Variants in CD68 observed in about 807,000 individuals in gnomAD.
The protein encoded by CD68 is CD68 molecule.
Under a neutral mutation model 31.3 loss-of-function variants are expected in CD68, and 24 were observed. That is an observed-to-expected ratio of 0.77 (90% CI 0.55 to 1.08). The LOEUF (loss-of-function observed/expected upper bound fraction) is 1.08. Among genes scored for constraint, CD68 ranks in the 50% least tolerant of loss-of-function variants. CD68 has a pLI of 0.00. For missense variants in CD68, 461 were observed against 442.5 expected, an observed-to-expected ratio of 1.04 and a Z score of -0.38; for synonymous variants, 190 against 179.6, an observed-to-expected ratio of 1.06 and a Z score of -0.46.
In CD68 at chr17:7,580,348, TGA is replaced by T; in HGVS notation, c.567+25_567+26del. The T allele has an allele frequency of 3.7e-6, 6 of 1,607,860 alleles. No individual in the cohort carries two copies. Among genetic ancestry groups the T allele is most frequent in the Non-Finnish European group, 5.1e-6 (6 of 1,175,666 alleles). Reference sequence around the variant, plus strand: ...GAGAGGTAAAGCTAAAACTGGGGGATGAGAGGGGAGGGAGGCAGGACTGGATA... The same window carrying T: ...GAGAGGTAAAGCTAAAACTGGGGGATGAGGGGAGGGAGGCAGGACTGGATA... On this transcript the variant is annotated intron_variant, in intron 2 of 5. Coordinates refer to ENST00000250092, the MANE Select transcript of CD68 (RefSeq NM_001251.3). This position sits in a 1 kb window ranked among gnomAD's most constrained non-coding sequence, Gnocchi z 4.3.
rs770873295 is a variant in CD68, at chr17:7,580,793, C to T, written c.760+10C>T. On this transcript the variant is annotated intron_variant, in intron 4 of 5. Coordinates refer to ENST00000250092, the MANE Select transcript of CD68 (RefSeq NM_001251.3). The surrounding 1 kb of genome is among the most constrained non-coding windows in gnomAD (Gnocchi z 4.3). ...TTCCCCCACGCAGCACGTAAGTAAC[C>T]TCCTTCCCTTTCTCATTGCTACCAC... 1.2e-6 allele frequency: 2 copies of T among 1,613,988 alleles called. No individual in the cohort carries two copies. The highest frequency in any genetic ancestry group is 1.1e-5 in the South Asian group (1 of 91,084).
chr17:7,581,433 C>T lies in CD68; in HGVS notation c.987C>T (p.Ile329=). Residue 329 remains isoleucine, a synonymous_variant, in exon 6 of 6, where the codon ATC becomes ATT. Coordinates refer to ENST00000250092, the MANE Select transcript of CD68 (RefSeq NM_001251.3). ...TGCTGCCTCTCATCATCGGCCTGATCCTTCTTGGCCTCCTCGCCCTGGTGC... is the reference window on the plus strand; with the variant it reads ...TGCTGCCTCTCATCATCGGCCTGATTCTTCTTGGCCTCCTCGCCCTGGTGC... ...SILLPLIIGL[I]LLGLLALVLI... 1 of 1,614,102 alleles carries T rather than the reference C, an allele frequency of 6.2e-7. No individual in the cohort carries two copies. The highest frequency in any genetic ancestry group is 1.1e-5 in the South Asian group (1 of 91,084).
At position 7,580,843 on chromosome 17, in the gene CD68, C is replaced by G. The variant is rs2150930290; in HGVS notation, c.761-53C>G. ...CTAGACGCCAGGGTTCCTGAAAGGACTAAGCTGGGGCCAGGGAGGTGGATA... is the reference window on the plus strand; with the variant it reads ...CTAGACGCCAGGGTTCCTGAAAGGAGTAAGCTGGGGCCAGGGAGGTGGATA... On this transcript the variant is annotated intron_variant, in intron 4 of 5. Coordinates refer to ENST00000250092, the MANE Select transcript of CD68 (RefSeq NM_001251.3). The surrounding 1 kb of genome is among the most constrained non-coding windows in gnomAD (Gnocchi z 4.3). 1 of 1,613,742 alleles carries G rather than the reference C, an allele frequency of 6.2e-7. No individual in the cohort carries two copies.
rs908515797 is a variant in CD68, at chr17:7,582,081, G to C, written c.*570G>C. Reference sequence around the variant, plus strand: ...TCTTTGACGGGGTTTTCCTTGTCCTGCCAGGATTAAAAGCCATGAGTTTCT... The same window carrying C: ...TCTTTGACGGGGTTTTCCTTGTCCTCCCAGGATTAAAAGCCATGAGTTTCT... On this transcript the variant is annotated 3_prime_UTR_variant, in exon 6 of 6. Coordinates refer to ENST00000250092, the MANE Select transcript of CD68 (RefSeq NM_001251.3). 7 of 417,734 alleles carry C rather than the reference G, an allele frequency of 1.7e-5. No homozygotes were observed. The highest frequency in any genetic ancestry group is 2.1e-5 in the Non-Finnish European group (7 of 328,838). 25.9% of individuals were successfully genotyped at this position (417,734 alleles called of 1,614,324 possible).
In CD68 at chr17:7,581,777, G is replaced by A; in HGVS notation, c.*266G>A. 1 of 382,288 alleles carries A rather than the reference G, an allele frequency of 2.6e-6. No individual in the cohort carries two copies. The highest frequency in any genetic ancestry group is 5.0e-6 in the Non-Finnish European group (1 of 201,000). The allele number at this position is 382,288 out of a possible 1,614,324, so 23.7% of individuals were successfully genotyped here. A position where few individuals can be genotyped will look rare whatever the true frequency, so the allele number is the denominator to read the frequency against. On this transcript the variant is annotated 3_prime_UTR_variant, in exon 6 of 6. Coordinates refer to ENST00000250092, the MANE Select transcript of CD68 (RefSeq NM_001251.3). Reference sequence around the variant, plus strand: ...TCTCTACTAAAAATACAATTAGCCAGGTGTGGCGGCGTAATCCCAGCTGGC... The same window carrying A: ...TCTCTACTAAAAATACAATTAGCCAAGTGTGGCGGCGTAATCCCAGCTGGC...
rs1478902807 is a variant in CD68 at position 7,580,197 on chromosome 17, C to T, written c.437C>T (p.Ser146Phe). 6.2e-7 allele frequency: 1 copy of T among 1,614,070 alleles called. No individual in the cohort carries two copies. The highest frequency in any genetic ancestry group is 8.5e-7 in the Non-Finnish European group (1 of 1,180,038). Residue 146 changes from serine to phenylalanine, a missense_variant, in exon 2 of 6, where the codon TCT (serine) becomes TTT (phenylalanine). Transcript: ENST00000250092. This position sits in a 1 kb window ranked among gnomAD's most constrained non-coding sequence, Gnocchi z 4.3. ...SSAHPEPPPP[S>F]PSPSPTSKET... ...GCCCACCCAGAACCACCTCCACCCTCTCCGAGTCCTAGCCCAACCTCCAAG... is the reference window on the plus strand; with the variant it reads ...GCCCACCCAGAACCACCTCCACCCTTTCCGAGTCCTAGCCCAACCTCCAAG...
rs745993514 is a variant in CD68 at position 7,581,075 on chromosome 17, T to G, written c.931+9T>G. The G allele has an allele frequency of 6.2e-7, 1 of 1,609,146 alleles. No homozygotes were observed. Among genetic ancestry groups the G allele is most frequent in the African/African-American group, 1.3e-5 (1 of 74,788 alleles). ...AGGGGTCTTTGGGCAAAGTAAGACC[T>G]ACCTACTCCTTCCCTCCTAGAATCC... is the stretch of plus-strand genomic sequence containing the variant. On this transcript the variant is annotated intron_variant, in intron 5 of 5. Coordinates refer to ENST00000250092, the MANE Select transcript of CD68 (RefSeq NM_001251.3).
In CD68 at chr17:7,581,500, C is replaced by T. The variant is rs1195413753; in HGVS notation, c.1054C>T (p.Gln352Ter). 6.2e-7 allele frequency: 1 copy of T among 1,614,058 alleles called. No homozygotes were observed. The highest frequency in any genetic ancestry group is 1.3e-5 in the African/African-American group (1 of 74,916). Residue 352 changes from glutamine to a stop codon, truncating the protein, a stop_gained, in exon 6 of 6, where the codon CAG (glutamine) becomes TAG (stop). Coordinates refer to ENST00000250092, the MANE Select transcript of CD68 (RefSeq NM_001251.3). LOFTEE classifies it high-confidence loss of function. ...CATCCGGAGACGCCCATCCGCCTAC[C>T]AGGCCCTCTGAGCATTTGCTTCAAA... ...CIIRRRPSAYQAL is the reference protein window; with the variant it reads ...CIIRRRPSAY
chr17:7,581,151 C>G, intron 5 of CD68, 85 bp downstream of exon 5: 1 of 1,301,462 alleles, frequency 7.7e-7, no homozygotes, highest in Non-Finnish European at 1.1e-6. Context: ...ACTCATCTCT[C>G]TTCTTAACCC....
At position 7,580,918 on chromosome 17, in the gene CD68, T is replaced by A; in HGVS notation, c.783T>A (p.Asn261Lys). The change falls in exon 5 of 6, where the codon AAT becomes AAA. Residue 261 changes from asparagine (N) to lysine (K), a missense_variant. Asn to Lys is a moderately conservative substitution (Grantham distance 94). Transcript: ENST00000250092. This position sits in a 1 kb window ranked among gnomAD's most constrained non-coding sequence, Gnocchi z 4.3. ...CAGAGTGGACATTCTCGGCTCAGAA[T>A]GCATCCCTTCGAGATCTCCAAGCAC... ...HAAQWTFSAQNASLRDLQAPL... is the reference protein window; with the variant it reads ...HAAQWTFSAQKASLRDLQAPL... The A allele has an allele frequency of 1.2e-6, 2 of 1,613,984 alleles. No individual in the cohort carries two copies. Among genetic ancestry groups the A allele is most frequent in the Non-Finnish European group, 1.7e-6 (2 of 1,179,964 alleles).
Position 7,581,378 on chromosome 17 carries a change from G to C in CD68, c.932G>C (p.Ser311Thr). The change falls in exon 6 of 6, where the codon AGT (serine) becomes ACT (threonine). Residue 311 changes from serine (S) to threonine (T), a missense_variant and splice_region_variant. Transcript: ENST00000250092. Reference protein sequence around the residue: ...QLPHTGVFGQSFSCPSDRSIL... With the variant: ...QLPHTGVFGQTFSCPSDRSIL... Reference sequence around the variant, plus strand: ...CCTACCTGCCCTATCCTTCCGCCAGGTTTCTCCTGCCCCAGTGACCGGTCC... The same window carrying C: ...CCTACCTGCCCTATCCTTCCGCCAGCTTTCTCCTGCCCCAGTGACCGGTCC... 1 of 1,614,072 alleles carries C rather than the reference G, an allele frequency of 6.2e-7. No individual in the cohort carries two copies. Among genetic ancestry groups the C allele is most frequent in the Non-Finnish European group, 8.5e-7 (1 of 1,180,016 alleles).
In CD68 at chr17:7,581,532, G is replaced by A. The variant is rs1179486091; in HGVS notation, c.*21G>A. ...TCTGAGCATTTGCTTCAAACCCCAG[G>A]GCACTGAGGGGGTTGGGGTGTGGTG... On this transcript the variant is annotated 3_prime_UTR_variant, in exon 6 of 6. Transcript: ENST00000250092. 1 of 1,613,642 alleles carries A rather than the reference G, an allele frequency of 6.2e-7. No homozygotes were observed. Among genetic ancestry groups the A allele is most frequent in the African/African-American group, 1.3e-5 (1 of 74,892 alleles).
In CD68 at chr17:7,580,422, C is replaced by T. The variant is rs2071469023; in HGVS notation, c.568-44C>T. 2 of 1,611,740 alleles carry T rather than the reference C, an allele frequency of 1.2e-6. No individual in the cohort carries two copies. The highest frequency in any genetic ancestry group is 1.3e-5 in the African/African-American group (1 of 74,840). On this transcript the variant is annotated intron_variant, in intron 2 of 5. Coordinates refer to ENST00000250092, the MANE Select transcript of CD68 (RefSeq NM_001251.3). This position sits in a 1 kb window ranked among gnomAD's most constrained non-coding sequence, Gnocchi z 4.3. ...AGAGGGGACAGGGAACCTTGGCCGGCATCGCATGCAGTCTTGTGACCTTCC... is the reference window on the plus strand; with the variant it reads ...AGAGGGGACAGGGAACCTTGGCCGGTATCGCATGCAGTCTTGTGACCTTCC...
rs1178700523 is a variant in CD68, at chr17:7,581,660, G to A, written c.*149G>A. On this transcript the variant is annotated 3_prime_UTR_variant, in exon 6 of 6. Coordinates refer to ENST00000250092, the MANE Select transcript of CD68 (RefSeq NM_001251.3). Reference sequence around the variant, plus strand: ...AAGAAAGCCGGGCATGACGGCTCATGCCTGTAATCCCAGCACTTTGGGAGG... The same window carrying A: ...AAGAAAGCCGGGCATGACGGCTCATACCTGTAATCCCAGCACTTTGGGAGG... 1.9e-5 allele frequency: 16 copies of A among 836,422 alleles called. No individual in the cohort carries two copies. In the Admixed American group the frequency reaches 3.6e-4, roughly 19 times the overall value. 51.8% of individuals were successfully genotyped at this position (836,422 alleles called of 1,614,324 possible).
Position 7,581,491 on chromosome 17 carries a change from T to G in CD68, c.1045T>G (p.Ser349Ala). The change falls in exon 6 of 6, where the codon TCC becomes GCC. Residue 349 changes from serine to alanine, a missense_variant. Coordinates refer to ENST00000250092, the MANE Select transcript of CD68 (RefSeq NM_001251.3). ...TTTCTGCATCATCCGGAGACGCCCATCCGCCTACCAGGCCCTCTGAGCATT... is the reference window on the plus strand; with the variant it reads ...TTTCTGCATCATCCGGAGACGCCCAGCCGCCTACCAGGCCCTCTGAGCATT... ...IAFCIIRRRP[S>A]AYQAL 1 of 1,614,030 alleles carries G rather than the reference T, an allele frequency of 6.2e-7. No homozygotes were observed. The highest frequency in any genetic ancestry group is 8.5e-7 in the Non-Finnish European group (1 of 1,179,990).
At position 7,581,684 on chromosome 17, in the gene CD68, G is replaced by C; in HGVS notation, c.*173G>C. 2 of 661,246 alleles carry C rather than the reference G, an allele frequency of 3.0e-6. No individual in the cohort carries two copies. The highest frequency in any genetic ancestry group is 5.0e-6 in the Non-Finnish European group (2 of 397,878). 41.0% of individuals were successfully genotyped at this position (661,246 alleles called of 1,614,324 possible). A position where few individuals can be genotyped will look rare whatever the true frequency, so the allele number is the denominator to read the frequency against. ...TGCCTGTAATCCCAGCACTTTGGGAGGCTGAGGCAGGTGGATCACTGGAGG... is the reference window on the plus strand; with the variant it reads ...TGCCTGTAATCCCAGCACTTTGGGACGCTGAGGCAGGTGGATCACTGGAGG... On this transcript the variant is annotated 3_prime_UTR_variant, in exon 6 of 6. Coordinates refer to ENST00000250092, the MANE Select transcript of CD68 (RefSeq NM_001251.3).
In CD68 at chr17:7,580,091, C is replaced by T. The variant is rs1342780038; in HGVS notation, c.331C>T (p.Pro111Ser). 1 of 1,614,080 alleles carries T rather than the reference C, an allele frequency of 6.2e-7. No individual in the cohort carries two copies. ...SQGPSTATHS[P>S]ATTSHGNATV... ...GGGACCCTCAACTGCCACTCACAGT[C>T]CTGCCACCACTAGTCATGGAAATGC... is the stretch of plus-strand genomic sequence containing the variant. The change falls in exon 2 of 6, where the codon CCT (proline) becomes TCT (serine). Residue 111 changes from proline (P) to serine (S), a missense_variant. Physicochemically the swap from Pro to Ser is moderately conservative, Grantham distance 74. Coordinates refer to ENST00000250092, the MANE Select transcript of CD68 (RefSeq NM_001251.3). This position sits in a 1 kb window ranked among gnomAD's most constrained non-coding sequence, Gnocchi z 4.3.
Position 7,579,818 on chromosome 17 carries a change from A to G in CD68, c.58A>G (p.Thr20Ala). 6.2e-7 allele frequency: 1 copy of G among 1,613,188 alleles called. No individual in the cohort carries two copies. Among genetic ancestry groups the G allele is most frequent in the Non-Finnish European group, 8.5e-7 (1 of 1,179,442 alleles). The change falls in exon 2 of 6, where the codon ACA (threonine) becomes GCA (alanine). Residue 20 changes from threonine (T) to alanine (A), a missense_variant. Transcript: ENST00000250092. ...ALLGLLAAQG[T>A]GNDCPHKKSA... ...CTCCTCTCTGCCAAAAGCCCAGGGG[A>G]CAGGGAATGACTGTCCTCACAAAAA...
In CD68 at chr17:7,581,829, G is replaced by C. The variant is rs942412076; in HGVS notation, c.*318G>C. On this transcript the variant is annotated 3_prime_UTR_variant, in exon 6 of 6. Coordinates refer to ENST00000250092, the MANE Select transcript of CD68 (RefSeq NM_001251.3). ...TGTAATCCCAGCTACTTGGGAGGCTGAGGCAGAACTGCTTGAACCCAGGAG... is the reference window on the plus strand; with the variant it reads ...TGTAATCCCAGCTACTTGGGAGGCTCAGGCAGAACTGCTTGAACCCAGGAG... The C allele has an allele frequency of 1.3e-5, 4 of 318,566 alleles. No homozygotes were observed. Among genetic ancestry groups the C allele is most frequent in the Non-Finnish European group, 2.5e-5 (4 of 161,986 alleles). 19.7% of individuals were successfully genotyped at this position (318,566 alleles called of 1,614,324 possible). A position where few individuals can be genotyped will look rare whatever the true frequency, so the allele number is the denominator to read the frequency against.
Sources: allele counts gnomAD v4.1 joint callset, GRCh38; gene constraint gnomAD v4.1.1; non-coding constraint Gnocchi (gnomAD v3.1); transcripts MANE v1.5; gene names NCBI Gene and HGNC (gene_info 2026-07-23, HGNC 2026-07-21).